The following FAM161B variants were observed in gnomAD, a reference collection of about 807,000 sequenced individuals.
FAM161B encodes protein FAM161B.
In FAM161B, 46 loss-of-function variants were observed where a neutral mutation model predicts 61.5. That is an observed-to-expected ratio of 0.75 (90% confidence interval 0.59 to 0.96). The LOEUF is 0.96. Ranked by LOEUF, FAM161B falls within the 40% of genes least tolerant of loss-of-function variation. The pLI is 0.00. For missense variants in FAM161B, 774 were observed against 800.7 expected, an observed-to-expected ratio of 0.97 and a Z score of 0.40; for synonymous variants, 284 against 302.7, an observed-to-expected ratio of 0.94 and a Z score of 0.64.
chr14:73,937,374 G>A (rs1350165446), intron 7 of FAM161B, among the ~76,000 whole-genome samples: 1 of 152,174 alleles, frequency 6.6e-6, no homozygotes, highest in Admixed American at 6.5e-5. Flanking sequence ...AAAGCTCTAG[G>A]AAGTGAAATA....
At chr14:73,925,772 C>G in the FAM161B span, among the ~76,000 whole-genome samples, 1 of 152,164 alleles carries the variant, frequency 6.6e-6, no homozygotes, top group Non-Finnish European at 1.5e-5. Context: ...TGGCCCATGC[C>G]TATAATCCCA....
At chr14:73,929,067 G>T (rs1043128116), downstream of FAM161B, among the ~76,000 whole-genome samples, 3 of 152,216 alleles carry the variant, frequency 2.0e-5, no homozygotes, top group African/African-American at 7.2e-5. Flanking sequence ...TGTCCTGGAT[G>T]TAGCTCAAAA....
chr14:73,948,917 G>T (rs1401085133), intron 1 of FAM161B, among the ~76,000 whole-genome samples: 1 of 151,674 alleles, frequency 6.6e-6, no homozygotes, highest in Non-Finnish European at 1.5e-5. Context: ...CACCACACCT[G>T]GCTAATTTTT....
intron 3 of FAM161B, among the ~76,000 whole-genome samples, chr14:73,943,161 A>G (rs987892721): frequency 6.6e-6 from 1 of 152,288 alleles, no homozygotes; most frequent in Non-Finnish European, 1.5e-5. Flanking sequence ...CCCTTTGCCC[A>G]CATCACTGAC....
chr14:73,924,694 TGAG>T, the FAM161B span: 1 of 449,814 alleles, frequency 2.2e-6, no homozygotes, highest in South Asian at 1.6e-5. Context: ...TTTTTTTTTT[TGAG>T]ACAGAGTCTC....
intron 5 of FAM161B, among the ~76,000 whole-genome samples, chr14:73,938,583 T>C (rs977274544): frequency 2.6e-5 from 4 of 150,970 alleles, no homozygotes; most frequent in Non-Finnish European, 5.9e-5. Context: ...CTATCCTGGC[T>C]AACACTGTGA....
intron 4 of FAM161B, among the ~76,000 whole-genome samples, chr14:73,941,482 T>G (rs1566674499): frequency 6.6e-6 from 1 of 152,116 alleles, no homozygotes; most frequent in Non-Finnish European, 1.5e-5. Context: ...ATCTTCATTT[T>G]TTTTCCTGGG....
Position 73,933,611 on chromosome 14 carries a change from C to T in FAM161B, c.*645G>A, listed in dbSNP as rs1188985492. 6.6e-6 allele frequency: 1 copy of T among 152,196 alleles called. No individual in the cohort carries two copies. The allele number at this position is 152,196 out of a possible 1,614,324, so 9.4% of individuals were successfully genotyped here. A position where few individuals can be genotyped will look rare whatever the true frequency, so the allele number is the denominator to read the frequency against. On this transcript the variant is annotated 3_prime_UTR_variant, in exon 9 of 9. Transcript: ENST00000286544. ...ATATTCCAGCAGGATTTGATACTTT[C>T]CAGTGTCTACTATCTCCTACTGTCT...
At chr14:73,949,519 ATT>A (rs35341495) in intron 1 of FAM161B, among the ~76,000 whole-genome samples, 3 of 138,466 alleles carry the variant, frequency 2.2e-5, no homozygotes, top group Non-Finnish European at 4.6e-5. Context: ...CGCCTGGCCA[ATT>A]TTTTTTTTTT....
intron 1 of FAM161B, among the ~76,000 whole-genome samples, 154 bp from the exon 2 acceptor site, chr14:73,946,759 C>A (rs2056071272): frequency 6.6e-6 from 1 of 152,190 alleles, no homozygotes; most frequent in Non-Finnish European, 1.5e-5. Context: ...GTAATCCCAA[C>A]ACTTTGGGAG....
At position 73,934,218 on chromosome 14, in the gene FAM161B, T is replaced by C. The variant is rs749352124; in HGVS notation, c.*38A>G. 3.1e-6 allele frequency: 5 copies of C among 1,600,460 alleles called. No individual in the cohort carries two copies. Among genetic ancestry groups the C allele is most frequent in the Non-Finnish European group, 4.3e-6 (5 of 1,175,328 alleles). On this transcript the variant is annotated 3_prime_UTR_variant, in exon 9 of 9. Coordinates refer to ENST00000286544, the MANE Select transcript of FAM161B (RefSeq NM_152445.3). ...CTTGACTCAAACCCAAGTTAGCTGC[T>C]TAATATTTTTCAAAAGCAGTAATTT...
chr14:73,947,654 G>C (rs1281368148), intron 1 of FAM161B, among the ~76,000 whole-genome samples: 1 of 152,130 alleles, frequency 6.6e-6, no homozygotes, highest in African/African-American at 2.4e-5. Context: ...ATAAACAACT[G>C]TGAGGTTATA....
chr14:73,923,787 C>T, the FAM161B span, among the ~76,000 whole-genome samples: 1 of 152,170 alleles, frequency 6.6e-6, no homozygotes, highest in Non-Finnish European at 1.5e-5. Flanking sequence ...CCACTATTCT[C>T]TGCCACACTA....
intron 1 of FAM161B, among the ~76,000 whole-genome samples, chr14:73,949,535 TA>T (rs1456799967): frequency 3.8e-4 from 56 of 149,106 alleles, no homozygotes; most frequent in African/African-American, 1.1e-3. Flanking sequence ...TTTTTTTTTT[TA>T]AATTTTTAGA....
In FAM161B at chr14:73,949,345, C is replaced by T. The variant is rs117273457; in HGVS notation, c.54+628G>A. On this transcript the variant is annotated intron_variant, in intron 1 of 8. Coordinates refer to ENST00000286544, the MANE Select transcript of FAM161B (RefSeq NM_152445.3). ...GTCTTGAACTCCTGACCTCAGGTCC[C>T]AAAGTGCTGCATTACAGGAGTAAGC... Among the ~76,000 whole-genome samples the T allele has an allele frequency of 5.4e-3, 821 of 151,392 alleles. 24 individuals carry two copies. Among genetic ancestry groups the T allele is most frequent in the Admixed American group, 0.042 (637 of 15,182 alleles).
chr14:73,938,522 C>T (rs11850372), intron 5 of FAM161B, among the ~76,000 whole-genome samples: 2,492 of 150,986 alleles, frequency 0.017, 64 homozygotes, highest in African/African-American at 0.057. Flanking sequence ...CCTGTAATCC[C>T]AGCACTTTGG....
chr14:73,926,353 C>T, the FAM161B span, among the ~76,000 whole-genome samples: 98,148 of 151,824 alleles, frequency 0.65, 31,946 homozygotes, highest in South Asian at 0.72. Flanking sequence ...TTGTTTAATA[C>T]TTCTCTTAAT....
Position 73,941,149 on chromosome 14 carries a change from G to C in FAM161B, c.1273-96C>G. ...TTTTTTTGAGACAGAGTCTCGTCTC[G>C]CTCTTTTGCCCAGGCTGGAGTGCAG... On this transcript the variant is annotated intron_variant, in intron 4 of 8. Transcript: ENST00000286544. The C allele has an allele frequency of 2.9e-6, 4 of 1,357,232 alleles. No individual in the cohort carries two copies. In the South Asian group the frequency reaches 5.2e-5, roughly 18 times the overall value. 84.1% of individuals were successfully genotyped at this position (1,357,232 alleles called of 1,614,324 possible). A position where few individuals can be genotyped will look rare whatever the true frequency, so the allele number is the denominator to read the frequency against.
In FAM161B at chr14:73,944,375, G is replaced by C; in HGVS notation, c.885C>G (p.Pro295=). The change falls in exon 3 of 9, where the codon CCC becomes CCG. Residue 295 remains proline, a synonymous_variant. Coordinates refer to ENST00000286544, the MANE Select transcript of FAM161B (RefSeq NM_152445.3). ...CAAGGGCTGGCTCCAGAATGGACTT[G>C]GGAATCCTTCTGGTGGCCTTCTGCT... ...ISKQKATRRI[P]KSILEPALGD... 1 of 1,602,766 alleles carries C rather than the reference G, an allele frequency of 6.2e-7. No individual in the cohort carries two copies. Among genetic ancestry groups the C allele is most frequent in the Non-Finnish European group, 8.5e-7 (1 of 1,171,242 alleles).
Sources: allele counts gnomAD v4.1 joint callset (sites outside exome capture counted in the v4.1 genomes callset), GRCh38; gene constraint gnomAD v4.1.1; transcripts MANE v1.5; gene names NCBI Gene and HGNC (gene_info 2026-07-23, HGNC 2026-07-21).